SMYD3: variants seen among roughly 807,000 people sequenced by gnomAD.
SMYD3 encodes the protein SET and MYND domain containing 3.
SMYD3 carries 36 observed loss-of-function variants against 57.7 expected under a neutral mutation model. The ratio of observed to expected loss-of-function variants is 0.62; its 90% CI spans 0.48 to 0.82. SMYD3 has a LOEUF of 0.82. Ranked by LOEUF, SMYD3 falls within the 40% of genes least tolerant of loss-of-function variation. The pLI, the probability that SMYD3 is intolerant of heterozygous loss-of-function variation, is 0.00. For missense variants in SMYD3, 515 were observed against 538.8 expected (o/e 0.96, Z 0.44); for synonymous variants, 211 against 195.0 (o/e 1.08, Z -0.68).
intron 5 of SMYD3, among the ~76,000 whole-genome samples, chr1:246,296,859 A>G (rs936122478): frequency 7.9e-5 from 12 of 152,212 alleles, no homozygotes; most frequent in African/African-American, 2.2e-4. Context: ...CTTAGTACAG[A>G]TAACATATTT....
intron 5 of SMYD3, among the ~76,000 whole-genome samples, chr1:246,211,907 T>C (rs529616774): frequency 1.5e-5 from 2 of 136,748 alleles, no homozygotes; most frequent in South Asian, 2.6e-4. Context: ...CTGTACAAGA[T>C]TGTGGTAAAA....
chr1:245,821,345 G>C (rs1401900773), intron 10 of SMYD3, among the ~76,000 whole-genome samples: 1 of 148,252 alleles, frequency 6.7e-6, no homozygotes, highest in East Asian at 2.1e-4. Flanking sequence ...CTAGCCATAT[G>C]TAGAAAGCTG....
intron 5 of SMYD3, among the ~76,000 whole-genome samples, chr1:246,255,524 A>G (rs940904662): frequency 1.4e-4 from 22 of 151,998 alleles, no homozygotes; most frequent in African/African-American, 5.3e-4. Flanking sequence ...CCAGGAATCA[A>G]GCCTACTTGA....
chr1:245,825,446 G>A (rs570695477), intron 10 of SMYD3, among the ~76,000 whole-genome samples: 3 of 152,272 alleles, frequency 2.0e-5, no homozygotes, highest in South Asian at 2.1e-4. Context: ...ATTGACAGGC[G>A]GCCCCTCTAT....
rs2055609827 is a variant in SMYD3, at chr1:245,918,441, T to C, written c.703-2801A>G. 2.0e-5 allele frequency among the ~76,000 whole-genome samples: 3 copies of C among 152,190 alleles called. No homozygotes were observed. The South Asian group carries it at 6.2e-4, about 32-fold the overall frequency. On this transcript the variant is annotated intron_variant, in intron 7 of 11. Coordinates refer to ENST00000490107, the MANE Select transcript of SMYD3 (RefSeq NM_001167740.2). ...CGTAGCACCGTCAAACCTAAAATAC[T>C]CACACCTGTGTTAGAGAATGTTCTG...
At chr1:246,018,835 C>G (rs1272345307) in intron 5 of SMYD3, among the ~76,000 whole-genome samples, 5 of 151,444 alleles carry the variant, frequency 3.3e-5, no homozygotes, top group Admixed American at 1.3e-4. Flanking sequence ...AACTCCTGTG[C>G]TCAAGCAATC....
intron 5 of SMYD3, among the ~76,000 whole-genome samples, chr1:246,211,814 T>G (rs2063093074): frequency 6.6e-6 from 1 of 152,070 alleles, no homozygotes; most frequent in African/African-American, 2.4e-5. Context: ...GTGGATATTG[T>G]GTGATATTTA....
In SMYD3 at chr1:246,158,903, T is replaced by A. The variant is rs979598765; in HGVS notation, c.531+168298A>T. ...AGAGCAATGAACAAGATACACCAGG[T>A]CCTTATTCCAATGGAGCTTAATTCT... On this transcript the variant is annotated intron_variant, in intron 5 of 11. Coordinates refer to ENST00000490107, the MANE Select transcript of SMYD3 (RefSeq NM_001167740.2). Among the ~76,000 whole-genome samples the A allele has an allele frequency of 2.6e-5, 4 of 152,254 alleles. No homozygotes were observed. In the South Asian group the frequency reaches 8.3e-4, roughly 32 times the overall value.
intron 5 of SMYD3, among the ~76,000 whole-genome samples, chr1:246,153,632 T>TTTTGTTTTG (rs1262556027): frequency 6.6e-6 from 1 of 151,998 alleles, no homozygotes; most frequent in Non-Finnish European, 1.5e-5. Context: ...TACTTTTTTG[T>TTTTGTTTTG]TTTGTTTTGT....
At chr1:246,475,727 G>A (rs770901511) in intron 1 of SMYD3, among the ~76,000 whole-genome samples, 29 of 152,052 alleles carry the variant, frequency 1.9e-4, no homozygotes, top group Non-Finnish European at 2.5e-4. Context: ...CAATCCTCCC[G>A]CCTCAGCCTC....
At chr1:245,949,735 G>GTTGCAGT (rs1171312492) in intron 5 of SMYD3, among the ~76,000 whole-genome samples, 1 of 152,092 alleles carries the variant, frequency 6.6e-6, no homozygotes, top group Admixed American at 6.5e-5. Context: ...CTTGAACCTG[G>GTTGCAGT]GAGGCACAGG....
intron 10 of SMYD3, among the ~76,000 whole-genome samples, chr1:245,834,200 AGAGCCTCTGACATCCTCAGTCACAAT>A (rs2049991510): frequency 6.6e-6 from 1 of 152,184 alleles, no homozygotes; most frequent in Non-Finnish European, 1.5e-5. Context: ...AATGCTCTTC[AGAGCCTCTGACATCCTCAGTCACAAT>A]TCTGATGCAT....
intron 5 of SMYD3, among the ~76,000 whole-genome samples, chr1:246,126,263 A>C (rs1280671812): frequency 6.6e-6 from 1 of 152,206 alleles, no homozygotes; most frequent in Non-Finnish European, 1.5e-5. Flanking sequence ...TCACAATGGC[A>C]TGTGGTAGAC....
rs566797434 is a variant in SMYD3, at chr1:246,244,772, C to T, written c.531+82429G>A. On this transcript the variant is annotated intron_variant, in intron 5 of 11. Coordinates refer to ENST00000490107, the MANE Select transcript of SMYD3 (RefSeq NM_001167740.2). ...GACTCTTCCACACTGCCTTCTGTTG[C>T]CTACTATAAACAGTTAAATATATCT... 3.3e-5 allele frequency among the ~76,000 whole-genome samples: 5 copies of T among 152,312 alleles called. 1 individual carries two copies. Among genetic ancestry groups the T allele is most frequent in the Non-Finnish European group, 4.4e-5 (3 of 68,018 alleles).
At chr1:246,458,667 T>C (rs2067744771) in intron 1 of SMYD3, among the ~76,000 whole-genome samples, 1 of 142,278 alleles carries the variant, frequency 7.0e-6, no homozygotes, top group Admixed American at 7.1e-5. Flanking sequence ...GGGGTTTCAT[T>C]ATGTTAGCCA....
intron 8 of SMYD3, among the ~76,000 whole-genome samples, chr1:245,871,067 A>G (rs2052165206): frequency 6.6e-6 from 1 of 152,234 alleles, no homozygotes. Context: ...ATGAAAAATA[A>G]AAAATTAATG....
chr1:245,831,199 C>A (rs578093385), intron 10 of SMYD3, among the ~76,000 whole-genome samples: 27 of 152,306 alleles, frequency 1.8e-4, no homozygotes, highest in Non-Finnish European at 3.4e-4. Context: ...CTTACTGAGA[C>A]TAATAAATTA....
rs544411668 is a variant in SMYD3 at position 246,347,823 on chromosome 1, C to G, written c.228+7208G>C. Among the ~76,000 whole-genome samples, 5 of 152,120 alleles carry G rather than the reference C, an allele frequency of 3.3e-5. No individual in the cohort carries two copies. In the East Asian group the frequency reaches 9.7e-4, roughly 29 times the overall value. On this transcript the variant is annotated intron_variant, in intron 2 of 11. Transcript: ENST00000490107. ...CAAATTTCCGCTCTTCACTTATACA[C>G]TGATGGTGGGAATGTAAATTAGTTC...
intron 8 of SMYD3, among the ~76,000 whole-genome samples, chr1:245,869,614 A>G (rs2052065440): frequency 2.0e-5 from 3 of 152,200 alleles, no homozygotes; most frequent in African/African-American, 7.2e-5. Context: ...GTTCTCAGGT[A>G]AGAACGAGTC....
Sources: allele counts gnomAD v4.1 joint callset (sites outside exome capture counted in the v4.1 genomes callset), GRCh38; gene constraint gnomAD v4.1.1; transcripts MANE v1.5; gene names NCBI Gene and HGNC (gene_info 2026-07-23, HGNC 2026-07-21).